DPP6: variants seen among roughly 807,000 people sequenced by gnomAD.
DPP6 encodes the protein dipeptidyl peptidase like 6, also known as A-type potassium channel modulatory protein DPP6.
DPP6 carries 69 observed loss-of-function variants against 122.6 expected under a neutral mutation model. The observed-to-expected ratio is 0.56, with a 90% CI of 0.46 to 0.69. The LOEUF (loss-of-function observed/expected upper bound fraction) is 0.69, where lower values mean the gene tolerates loss of function less well. Ranked by LOEUF, DPP6 falls within the 30% of genes least tolerant of loss-of-function variation. The pLI is 0.00. For synonymous variants in DPP6, 418 were observed against 433.1 expected (o/e 0.97, Z 0.43); for missense variants, 928 against 1,116.9 (o/e 0.83, Z 2.41).
chr7:154,366,090 T>G (rs578232294), intron 1 of DPP6, among the ~76,000 whole-genome samples: 1 of 152,124 alleles, frequency 6.6e-6, no homozygotes, highest in African/African-American at 2.4e-5. Flanking sequence ...TGCTATCTTG[T>G]CACAGCTTAT....
the DPP6 span, among the ~76,000 whole-genome samples, chr7:153,823,947 C>T: frequency 2.0e-5 from 3 of 152,146 alleles, no homozygotes; most frequent in Non-Finnish European, 4.4e-5. Flanking sequence ...TATAGGCCAG[C>T]TAACTTCATC....
intron 1 of DPP6, among the ~76,000 whole-genome samples, chr7:153,951,904 G>T (rs544091496): frequency 2.6e-5 from 4 of 152,116 alleles, no homozygotes; most frequent in African/African-American, 9.7e-5. Context: ...TTACTTGGGC[G>T]TGGTGGTGCA....
chr7:154,084,831 T>C (rs1034607711), intron 1 of DPP6, among the ~76,000 whole-genome samples: 3 of 150,100 alleles, frequency 2.0e-5, no homozygotes, highest in African/African-American at 4.9e-5. Context: ...CTACTAAAAA[T>C]ACAAAAAAAT....
intron 1 of DPP6, among the ~76,000 whole-genome samples, chr7:154,179,162 G>A (rs1747019609): frequency 6.6e-6 from 1 of 152,220 alleles, no homozygotes; most frequent in South Asian, 2.1e-4. Flanking sequence ...AGGCCTGGAG[G>A]AGATGACCCC....
In DPP6 at chr7:154,241,185, A is replaced by ATGTGTGTGTGTGTGTG. The variant is rs1554498771; in HGVS notation, c.243+188142_243+188157dup. ...GCACAGTAGGTAATTCAATATCAAT[A>ATGTGTGTGTGTGTGTG]TGTGTGTGTGTGTGTGTGTGTGTGT... On this transcript the variant is annotated intron_variant, in intron 1 of 25. Transcript: ENST00000377770. The surrounding 1 kb of genome is among the most constrained non-coding windows in gnomAD (Gnocchi z 9.0). 6.6e-5 allele frequency among the ~76,000 whole-genome samples: 9 copies of ATGTGTGTGTGTGTGTG among 136,206 alleles called. No individual in the cohort carries two copies. The highest frequency in any genetic ancestry group is 2.2e-4 in the African/African-American group (8 of 35,690). 89.4% of individuals were successfully genotyped at this position (136,206 alleles called of 152,430 possible).
At chr7:154,761,439 G>A (rs6955735) in intron 8 of DPP6, among the ~76,000 whole-genome samples, 31,743 of 152,216 alleles carry the variant, frequency 0.21, 4,092 homozygotes, top group Non-Finnish European at 0.29. Flanking sequence ...GAGAGAGCCA[G>A]GGGAAAGCCA....
At chr7:154,602,480 C>T (rs111674899) in intron 5 of DPP6, among the ~76,000 whole-genome samples, 6,338 of 120,764 alleles carry the variant, frequency 0.052, 1,417 homozygotes, top group African/African-American at 0.16. Context: ...TGCAATGGCA[C>T]GATCTTGTCT....
chr7:153,969,259 C>T (rs370323966), intron 1 of DPP6, among the ~76,000 whole-genome samples: 1 of 145,130 alleles, frequency 6.9e-6, no homozygotes, highest in African/African-American at 2.9e-5. Flanking sequence ...AGCTCCTGTC[C>T]TGGCTAAGAT....
intron 6 of DPP6, among the ~76,000 whole-genome samples, chr7:154,643,529 T>G (rs1836246242): frequency 6.7e-6 from 1 of 149,612 alleles, no homozygotes; most frequent in Non-Finnish European, 1.5e-5. Flanking sequence ...AGTGCAGTGA[T>G]ACGATCTCAG....
chr7:154,343,660 AC>A (rs1252093390), intron 1 of DPP6, among the ~76,000 whole-genome samples: 2 of 152,108 alleles, frequency 1.3e-5, no homozygotes, highest in African/African-American at 2.4e-5. Context: ...GGCTCACTGC[AC>A]CCTCTGCCTC....
intron 8 of DPP6, among the ~76,000 whole-genome samples, chr7:154,745,471 G>T (rs141075784): frequency 6.6e-6 from 1 of 152,068 alleles, no homozygotes; most frequent in Non-Finnish European, 1.5e-5. Flanking sequence ...AGTAACACCC[G>T]GCCTTCCCAT....
At chr7:154,155,745 T>C (rs1160782508) in intron 1 of DPP6, among the ~76,000 whole-genome samples, 4 of 152,182 alleles carry the variant, frequency 2.6e-5, no homozygotes, top group African/African-American at 4.8e-5. Flanking sequence ...TCCCTGAAGA[T>C]GTCCCTTCTC....
intron 5 of DPP6, among the ~76,000 whole-genome samples, chr7:154,621,500 C>T (rs566023373): frequency 6.6e-6 from 1 of 152,298 alleles, no homozygotes; most frequent in African/African-American, 2.4e-5. Context: ...TCCCAAGTAG[C>T]TGGGATTACA....
chr7:154,789,725 A>C (rs1797557765), intron 10 of DPP6, among the ~76,000 whole-genome samples: 1 of 152,200 alleles, frequency 6.6e-6, no homozygotes, highest in Admixed American at 6.5e-5. Context: ...TTTCCCTTCC[A>C]GCAGCAAAAG....
At chr7:154,050,008 C>T (rs543033433), upstream of DPP6, among the ~76,000 whole-genome samples, 11 of 152,278 alleles carry the variant, frequency 7.2e-5, no homozygotes, top group East Asian at 1.9e-4. Context: ...GGAACATCCT[C>T]GTGTTCATCC....
intron 1 of DPP6, among the ~76,000 whole-genome samples, chr7:153,971,966 G>GTT (rs1052244147): frequency 6.7e-6 from 1 of 148,454 alleles, no homozygotes; most frequent in Non-Finnish European, 1.5e-5. Context: ...AAGCTCAAAT[G>GTT]TTTGTTTCCT....
chr7:153,879,054 A>G, the DPP6 span, among the ~76,000 whole-genome samples: 1 of 152,214 alleles, frequency 6.6e-6, no homozygotes, highest in African/African-American at 2.4e-5. Context: ...TCCAAGGTCC[A>G]GAAACTTGGA....
chr7:154,780,953 T>C (rs1796986083), intron 10 of DPP6, among the ~76,000 whole-genome samples: 1 of 151,900 alleles, frequency 6.6e-6, no homozygotes, highest in African/African-American at 2.4e-5. Context: ...AGATGGATAA[T>C]GAATGGATGG....
At chr7:154,237,320 C>T (rs1255019986) in intron 1 of DPP6, among the ~76,000 whole-genome samples, 4 of 152,200 alleles carry the variant, frequency 2.6e-5, no homozygotes, top group Non-Finnish European at 5.9e-5. Flanking sequence ...ATGAACCAAA[C>T]CACTTTAAGG....
Sources: allele counts gnomAD v4.1 joint callset (sites outside exome capture counted in the v4.1 genomes callset), GRCh38; gene constraint gnomAD v4.1.1; non-coding constraint Gnocchi (gnomAD v3.1); transcripts MANE v1.5; gene names NCBI Gene and HGNC (gene_info 2026-07-23, HGNC 2026-07-21).